Variants in BIRC2 observed in about 807,000 individuals in gnomAD.
The protein encoded by BIRC2 is baculoviral IAP repeat-containing protein 2.
BIRC2 carries 18 observed loss-of-function variants against 60.9 expected under a neutral mutation model. The observed-to-expected ratio is 0.30, with a 90% CI of 0.20 to 0.44. The LOEUF (loss-of-function observed/expected upper bound fraction) is 0.44. Among genes scored for constraint, BIRC2 ranks in the 20% least tolerant of loss-of-function variants. The pLI is 1.00. For synonymous variants in BIRC2, 282 were observed against 247.7 expected (o/e 1.14, Z -1.30); for missense variants, 701 against 728.5 (o/e 0.96, Z 0.43).
In BIRC2 at chr11:102,378,336, A is replaced by G. The variant is rs1244146629; in HGVS notation, c.*153A>G. ...TTGGTACTAATAATCTTGTTTCTGA[A>G]AAGATGGTATCATATATTTAATCTT... On this transcript the variant is annotated 3_prime_UTR_variant, in exon 9 of 9. Coordinates refer to ENST00000227758, the MANE Select transcript of BIRC2 (RefSeq NM_001166.5). 5 of 591,338 alleles carry G rather than the reference A, an allele frequency of 8.5e-6. No individual in the cohort carries two copies. Among genetic ancestry groups the G allele is most frequent in the African/African-American group, 7.6e-5 (4 of 52,566 alleles). The allele number at this position is 591,338 out of a possible 1,614,324, so 36.6% of individuals were successfully genotyped here. A position where few individuals can be genotyped will look rare whatever the true frequency, so the allele number is the denominator to read the frequency against.
rs955491557 is a variant in BIRC2 at position 102,349,641 on chromosome 11, A to G, written c.-214A>G. On this transcript the variant is annotated 5_prime_UTR_variant, in exon 2 of 9. Coordinates refer to ENST00000227758, the MANE Select transcript of BIRC2 (RefSeq NM_001166.5). ...ACTTAGGTTACCTGAAAGAGTTACT[A>G]CAACCCCAAAGAGTTGTGTTCTAAG... The G allele has an allele frequency of 6.7e-5, 32 of 474,380 alleles. No homozygotes were observed. The highest frequency in any genetic ancestry group is 3.8e-5 in the Admixed American group (1 of 26,608). 29.4% of individuals were successfully genotyped at this position (474,380 alleles called of 1,614,324 possible).
chr11:102,354,946 T>G (rs990843410), intron 3 of BIRC2, among the ~76,000 whole-genome samples: 21 of 143,916 alleles, frequency 1.5e-4, no homozygotes, highest in Middle Eastern at 3.5e-3. Flanking sequence ...TTATTTGGGT[T>G]TTTTTTTTTT....
At position 102,362,884 on chromosome 11, in the gene BIRC2, C is replaced by T. The variant is rs1275988873; in HGVS notation, c.996-12C>T. 2 of 1,600,826 alleles carry T rather than the reference C, an allele frequency of 1.2e-6. No individual in the cohort carries two copies. Among genetic ancestry groups the T allele is most frequent in the African/African-American group, 2.7e-5 (2 of 74,732 alleles). On this transcript the variant is annotated splice_polypyrimidine_tract_variant and intron_variant, in intron 3 of 8. Coordinates refer to ENST00000227758, the MANE Select transcript of BIRC2 (RefSeq NM_001166.5). ...AACAATTTTAAAAAATAATTTTCCT[C>T]ATATGTTTTAGGTGTGAGTTCTTGA...
intron 5 of BIRC2, among the ~76,000 whole-genome samples, chr11:102,364,174 T>TATATATATATATACACAC (rs1389968594): frequency 3.8e-5 from 3 of 78,120 alleles, no homozygotes; most frequent in African/African-American, 1.3e-4. Context: ...TATATATATA[T>TATATATATATATACACAC]ACACACACAC....
Position 102,351,831 on chromosome 11 carries a change from A to G in BIRC2, c.995+888A>G, listed in dbSNP as rs542578556. Reference sequence around the variant, plus strand: ...AAATTGTCTTTGTAATTGAGTAGCTATGTGAACTTGGACGTTGTTTGTAAA... The same window carrying G: ...AAATTGTCTTTGTAATTGAGTAGCTGTGTGAACTTGGACGTTGTTTGTAAA... On this transcript the variant is annotated intron_variant, in intron 3 of 8. Coordinates refer to ENST00000227758, the MANE Select transcript of BIRC2 (RefSeq NM_001166.5). 3.3e-5 allele frequency among the ~76,000 whole-genome samples: 5 copies of G among 152,214 alleles called. No homozygotes were observed. In the East Asian group the frequency reaches 9.7e-4, roughly 29 times the overall value.
At chr11:102,373,495 C>T (rs1262043840) in intron 6 of BIRC2, among the ~76,000 whole-genome samples, 9 of 151,716 alleles carry the variant, frequency 5.9e-5, no homozygotes, top group Non-Finnish European at 1.2e-4. Flanking sequence ...GAATATTGGC[C>T]CCCACTCTCT....
intron 3 of BIRC2, among the ~76,000 whole-genome samples, chr11:102,351,943 A>G (rs1951367438): frequency 6.6e-6 from 1 of 152,174 alleles, no homozygotes; most frequent in South Asian, 2.1e-4. Flanking sequence ...TTAAGTGTAT[A>G]GTTGTGTGTC....
At chr11:102,364,638 G>T (rs180923813) in intron 5 of BIRC2, among the ~76,000 whole-genome samples, 10 of 152,260 alleles carry the variant, frequency 6.6e-5, no homozygotes, top group Admixed American at 5.9e-4. Context: ...TCTACAAAGG[G>T]CCATTCTGTT....
intron 3 of BIRC2, among the ~76,000 whole-genome samples, chr11:102,358,545 C>A (rs1175043780): frequency 6.6e-6 from 1 of 152,124 alleles, no homozygotes; most frequent in African/African-American, 2.4e-5. Context: ...GATGACCCAT[C>A]CATTATTGAA....
chr11:102,350,765 C>G lies in BIRC2; in HGVS notation c.895+16C>G, dbSNP rs768172300. 1.2e-6 allele frequency: 2 copies of G among 1,603,850 alleles called. No individual in the cohort carries two copies. Among genetic ancestry groups the G allele is most frequent in the Non-Finnish European group, 1.7e-6 (2 of 1,176,050 alleles). On this transcript the variant is annotated intron_variant, in intron 2 of 8. Coordinates refer to ENST00000227758, the MANE Select transcript of BIRC2 (RefSeq NM_001166.5). ...TATTATGTGGGTAAGAAGCAAATAA[C>G]TATACATTTTATCATTTTATTTTAA... is the stretch of plus-strand genomic sequence containing the variant.
In BIRC2 at chr11:102,350,156, A is replaced by G; in HGVS notation, c.302A>G (p.Gln101Arg). 1 of 1,614,226 alleles carries G rather than the reference A, an allele frequency of 6.2e-7. No individual in the cohort carries two copies. Among genetic ancestry groups the G allele is most frequent in the East Asian group, 2.2e-5 (1 of 44,886 alleles). Residue 101 changes from glutamine to arginine, a missense_variant, in exon 2 of 9, where the codon CAA becomes CGA. Around this residue, in one of 4 missense-constraint regions of BIRC2, gnomAD observed 375 missense variants for 365.9 expected, o/e 1.02. Transcript: ENST00000227758. ...DNWKLGDSPI[Q>R]KHKQLYPSCS... ...TGGAAACTAGGAGACAGTCCTATTC[A>G]AAAGCATAAACAGCTATATCCTAGC... is the stretch of plus-strand genomic sequence containing the variant.
Position 102,350,747 on chromosome 11 carries a change from T to C in BIRC2, c.893T>C (p.Val298Ala). 6.2e-7 allele frequency: 1 copy of C among 1,604,306 alleles called. No homozygotes were observed. Among genetic ancestry groups the C allele is most frequent in the Non-Finnish European group, 8.5e-7 (1 of 1,175,592 alleles). The change falls in exon 2 of 9, where the codon GTG becomes GCG. Residue 298 changes from valine to alanine, a missense_variant and splice_region_variant. Coordinates refer to ENST00000227758, the MANE Select transcript of BIRC2 (RefSeq NM_001166.5). ...EQLASAGFYY[V>A]GRNDDVKCFC... ...CTTGCAAGTGCTGGTTTTTATTATG[T>C]GGGTAAGAAGCAAATAACTATACAT...
rs760289364 is a variant in BIRC2 at position 102,377,599 on chromosome 11, A to G, written c.1470A>G (p.Lys490=). The change falls in exon 7 of 9, where the codon AAA becomes AAG. Residue 490 remains lysine, a synonymous_variant. Transcript: ENST00000227758. ...TTTTAAAGGCCAATGTAATTAATAA[A>G]CAGGAACATGATATTATTAAACAAA... ...DNLLKANVIN[K]QEHDIIKQKT... 6.2e-7 allele frequency: 1 copy of G among 1,611,886 alleles called. No individual in the cohort carries two copies. The highest frequency in any genetic ancestry group is 8.5e-7 in the Non-Finnish European group (1 of 1,179,008).
At chr11:102,359,594 A>G (rs1488052541) in intron 3 of BIRC2, among the ~76,000 whole-genome samples, 5 of 152,184 alleles carry the variant, frequency 3.3e-5, no homozygotes, top group Non-Finnish European at 7.3e-5. Flanking sequence ...TTTCTGAAGG[A>G]CAGCTTTGCT....
intron 6 of BIRC2, among the ~76,000 whole-genome samples, chr11:102,368,777 A>G (rs1471730050): frequency 6.6e-6 from 1 of 152,150 alleles, no homozygotes; most frequent in Non-Finnish European, 1.5e-5. Context: ...TCTCTGATTT[A>G]TGCCAATCAG....
chr11:102,364,182 CACACAGAG>C (rs1474823389), intron 5 of BIRC2, among the ~76,000 whole-genome samples: 19 of 86,586 alleles, frequency 2.2e-4, no homozygotes, highest in African/African-American at 9.8e-4. Flanking sequence ...TATACACACA[CACACAGAG>C]AGAGAGAGAG....
chr11:102,353,964 C>T (rs1452142753), intron 3 of BIRC2, among the ~76,000 whole-genome samples: 3 of 152,100 alleles, frequency 2.0e-5, no homozygotes, highest in Non-Finnish European at 2.9e-5. Context: ...TACCAAAATT[C>T]GCACATACTG....
intron 3 of BIRC2, among the ~76,000 whole-genome samples, chr11:102,352,079 C>G (rs932404518): frequency 6.6e-6 from 1 of 151,752 alleles, no homozygotes; most frequent in Non-Finnish European, 1.5e-5. Context: ...CCCCAACATC[C>G]TGGCAACCAC....
chr11:102,369,447 GAA>G (rs974759982), intron 6 of BIRC2, among the ~76,000 whole-genome samples: 2 of 151,354 alleles, frequency 1.3e-5, no homozygotes, highest in Admixed American at 1.3e-4. Context: ...AGTTTACTGA[GAA>G]TGATGATTTC....
Sources: allele counts gnomAD v4.1 joint callset (sites outside exome capture counted in the v4.1 genomes callset), GRCh38; gene constraint gnomAD v4.1.1; regional missense constraint gnomAD v4.1.1; transcripts MANE v1.5; gene names NCBI Gene and HGNC (gene_info 2026-07-23, HGNC 2026-07-21).